Variants in SNX29 observed in about 807,000 individuals in gnomAD.
SNX29 encodes sorting nexin 29, also known as sorting nexin-29.
Under a neutral mutation model 102.1 loss-of-function variants are expected in SNX29, and 78 were observed. The ratio of observed to expected loss-of-function variants is 0.76; its 90% CI spans 0.64 to 0.92. The LOEUF is 0.92. Ranked by LOEUF, SNX29 falls within the 40% of genes least tolerant of loss-of-function variation. SNX29 has a pLI of 0.00. For missense variants in SNX29, 1,280 were observed against 1,061.7 expected (o/e 1.21, Z -2.86); for synonymous variants, 580 against 414.5 (o/e 1.40, Z -4.85).
At chr16:12,443,811 C>T (rs561733582) in intron 18 of SNX29, among the ~76,000 whole-genome samples, 4 of 152,344 alleles carry the variant, frequency 2.6e-5, no homozygotes, top group Admixed American at 2.6e-4. Flanking sequence ...TGACTTTGGT[C>T]TAGTAAGTTA....
intron 18 of SNX29, among the ~76,000 whole-genome samples, chr16:12,431,709 A>C (rs1057046400): frequency 1.3e-5 from 2 of 152,204 alleles, no homozygotes; most frequent in African/African-American, 4.8e-5. Context: ...CTTCTGCTTC[A>C]GAGTGTCAAG....
chr16:12,399,877 C>T (rs900334621), intron 17 of SNX29, among the ~76,000 whole-genome samples: 17 of 152,106 alleles, frequency 1.1e-4, no homozygotes, highest in South Asian at 4.2e-4. Context: ...CGGCAGAGTC[C>T]GGCGGAGGGC....
At chr16:12,461,613 A>C (rs574789448) in intron 18 of SNX29, among the ~76,000 whole-genome samples, 150 of 152,190 alleles carry the variant, frequency 9.9e-4, no homozygotes, top group African/African-American at 3.5e-3. Flanking sequence ...AACAATTTGA[A>C]GCATCGCGTC....
intron 14 of SNX29, among the ~76,000 whole-genome samples, chr16:12,201,295 A>G (rs964219583): frequency 1.3e-5 from 2 of 152,196 alleles, no homozygotes; most frequent in Non-Finnish European, 2.9e-5. Flanking sequence ...AAGTTTTTAC[A>G]TCTCATCTCT....
chr16:12,282,324 G>A (rs1235249431), intron 15 of SNX29, among the ~76,000 whole-genome samples: 1 of 152,156 alleles, frequency 6.6e-6, no homozygotes, highest in Non-Finnish European at 1.5e-5. Context: ...TTGAGATGGC[G>A]CTGGTGGTGG....
chr16:12,261,457 G>A (rs1268561683), intron 14 of SNX29, among the ~76,000 whole-genome samples: 7 of 146,008 alleles, frequency 4.8e-5, no homozygotes, highest in Admixed American at 1.4e-4. Context: ...GCTGGAGTGA[G>A]TGTTGGCTGA....
intron 20 of SNX29, among the ~76,000 whole-genome samples, chr16:12,567,575 G>A (rs2079063705): frequency 6.6e-6 from 1 of 152,090 alleles, no homozygotes; most frequent in Admixed American, 6.5e-5. Flanking sequence ...CTTGAGACCA[G>A]CCTGGACAAG....
In SNX29 at chr16:12,320,085, A is replaced by C. The variant is rs565023034; in HGVS notation, c.1783-36078A>C. Among the ~76,000 whole-genome samples the C allele has an allele frequency of 2.6e-5, 4 of 152,294 alleles. No homozygotes were observed. The South Asian group carries it at 6.2e-4, about 24-fold the overall frequency. ...GCAGTCACCTTCCAGTGGGGCAGAC[A>C]CAGATGGGTCCTAAGGAGAGAGATG... On this transcript the variant is annotated intron_variant, in intron 15 of 20. Coordinates refer to ENST00000566228, the MANE Select transcript of SNX29 (RefSeq NM_032167.5).
At chr16:12,211,045 C>T (rs955712872) in intron 14 of SNX29, among the ~76,000 whole-genome samples, 2 of 152,074 alleles carry the variant, frequency 1.3e-5, no homozygotes, top group African/African-American at 4.8e-5. Context: ...CTGTTTTTCC[C>T]ACCACCTCCC....
At chr16:12,027,026 C>T (rs958297124) in intron 3 of SNX29, among the ~76,000 whole-genome samples, 3 of 152,210 alleles carry the variant, frequency 2.0e-5, no homozygotes, top group South Asian at 2.1e-4. Flanking sequence ...TCTGCACCCC[C>T]GCCAGCTGGC....
At chr16:12,263,074 A>G (rs913458105) in intron 14 of SNX29, among the ~76,000 whole-genome samples, 4 of 152,102 alleles carry the variant, frequency 2.6e-5, no homozygotes, top group African/African-American at 9.7e-5. Flanking sequence ...GCCTCCAGTG[A>G]AATATTAACT....
chr16:12,171,255 G>A (rs1454681427), intron 13 of SNX29, among the ~76,000 whole-genome samples: 1 of 152,060 alleles, frequency 6.6e-6, no homozygotes, highest in African/African-American at 2.4e-5. Context: ...ATGACTAAGA[G>A]CGCCAAATGG....
At chr16:12,543,954 A>G (rs967968433) in intron 20 of SNX29, among the ~76,000 whole-genome samples, 1 of 152,194 alleles carries the variant, frequency 6.6e-6, no homozygotes, top group Non-Finnish European at 1.5e-5. Context: ...CGAGGAGCCT[A>G]TCTGCTGGGA....
At position 12,044,076 on chromosome 16, in the gene SNX29, G is replaced by A. The variant is rs561378486; in HGVS notation, c.428+999G>A. ...GCCATGGCCATTAGTTTTGCTCTGA[G>A]AATGGTGGACTAGACATGTTGTTTT... is the stretch of plus-strand genomic sequence containing the variant. On this transcript the variant is annotated intron_variant, in intron 5 of 20. Transcript: ENST00000566228. Among the ~76,000 whole-genome samples, 7 of 152,314 alleles carry A rather than the reference G, an allele frequency of 4.6e-5. No homozygotes were observed. In the South Asian group the frequency reaches 1.0e-3, roughly 23 times the overall value.
chr16:12,116,396 G>T (rs970101981), intron 11 of SNX29, among the ~76,000 whole-genome samples: 3 of 152,236 alleles, frequency 2.0e-5, no homozygotes, highest in East Asian at 3.8e-4. Flanking sequence ...GAGGGGCCGG[G>T]CGCAGTGGCT....
intron 20 of SNX29, among the ~76,000 whole-genome samples, chr16:12,533,829 C>T (rs1037201195): frequency 6.6e-6 from 1 of 152,208 alleles, no homozygotes; most frequent in Admixed American, 6.5e-5. Flanking sequence ...CACTCCTCAC[C>T]AGGCTGATTC....
At chr16:12,172,229 G>T in intron 13 of SNX29, among the ~76,000 whole-genome samples, 1 of 152,174 alleles carries the variant, frequency 6.6e-6, no homozygotes, top group East Asian at 1.9e-4. Context: ...TTCTGAAAAG[G>T]AAGATGGCAA....
At chr16:12,430,488 A>G (rs910626314) in intron 18 of SNX29, among the ~76,000 whole-genome samples, 1 of 152,248 alleles carries the variant, frequency 6.6e-6, no homozygotes, top group South Asian at 2.1e-4. Context: ...TTTGCATCCC[A>G]GCTCTGCCCT....
chr16:12,512,911 A>T (rs1205266355), intron 19 of SNX29, among the ~76,000 whole-genome samples: 1 of 151,968 alleles, frequency 6.6e-6, no homozygotes, highest in Non-Finnish European at 1.5e-5. Context: ...CCAGTCCGTC[A>T]CCAAAGCACT....
Sources: allele counts gnomAD v4.1 joint callset (sites outside exome capture counted in the v4.1 genomes callset), GRCh38; gene constraint gnomAD v4.1.1; transcripts MANE v1.5; gene names NCBI Gene and HGNC (gene_info 2026-07-23, HGNC 2026-07-21).